Variants in CORO2B observed in about 807,000 individuals in gnomAD.
The protein encoded by CORO2B is coronin 2B.
CORO2B carries 26 observed loss-of-function variants against 58.8 expected under a neutral mutation model. That is an observed-to-expected ratio of 0.44 (90% CI 0.32 to 0.61). The LOEUF (loss-of-function observed/expected upper bound fraction) is 0.61, where lower values mean the gene tolerates loss of function less well. Among genes scored for constraint, CORO2B ranks in the 20% least tolerant of loss-of-function variants. The pLI is 0.04. For synonymous variants in CORO2B, 242 were observed against 253.8 expected (o/e 0.95, Z 0.44); for missense variants, 460 against 645.1 (o/e 0.71, Z 3.11).
At chr15:68,585,188 G>A (rs1260920005) in intron 1 of CORO2B, among the ~76,000 whole-genome samples, 1 of 152,132 alleles carries the variant, frequency 6.6e-6, no homozygotes, top group Non-Finnish European at 1.5e-5. Flanking sequence ...GTCATGGTGG[G>A]GACGGTCCCC....
intron 1 of CORO2B, among the ~76,000 whole-genome samples, chr15:68,620,826 C>T (rs984398100): frequency 1.3e-5 from 2 of 152,224 alleles, no homozygotes; most frequent in African/African-American, 2.4e-5. Context: ...TAGGCCTTCC[C>T]ACTGTGCGTG....
chr15:68,726,190 G>A lies in CORO2B; in HGVS notation c.*216G>A. ...AGCTTCTGGAGACCCCCTGCCGGCA[G>A]CCCCTTTCCCTGCCACCCCAGGAGC... On this transcript the variant is annotated 3_prime_UTR_variant, in exon 12 of 12. Transcript: ENST00000261861. The A allele has an allele frequency of 1.8e-6, 1 of 563,408 alleles. No individual in the cohort carries two copies. The highest frequency in any genetic ancestry group is 3.0e-6 in the Non-Finnish European group (1 of 332,226). 34.9% of individuals were successfully genotyped at this position (563,408 alleles called of 1,614,324 possible).
At chr15:68,655,075 G>T (rs1426757240) in intron 2 of CORO2B, among the ~76,000 whole-genome samples, 1 of 152,218 alleles carries the variant, frequency 6.6e-6, no homozygotes, top group East Asian at 1.9e-4. Context: ...CTGCCATGGA[G>T]CCTGGTGGTG....
At chr15:68,536,241 T>A in the CORO2B span, among the ~76,000 whole-genome samples, 1 of 152,202 alleles carries the variant, frequency 6.6e-6, no homozygotes, top group African/African-American at 2.4e-5. Context: ...TCCATGTACG[T>A]TGGCTGGTAG....
chr15:68,666,196 G>C (rs567388700), intron 2 of CORO2B, among the ~76,000 whole-genome samples: 1 of 152,280 alleles, frequency 6.6e-6, no homozygotes, highest in Admixed American at 6.5e-5. Context: ...GAAGAGGCTC[G>C]AACAGATAAT....
intron 2 of CORO2B, among the ~76,000 whole-genome samples, chr15:68,664,827 TTGTC>T (rs1902137803): frequency 6.6e-6 from 1 of 152,202 alleles, no homozygotes; most frequent in Non-Finnish European, 1.5e-5. Flanking sequence ...TTTGTGTGAA[TTGTC>T]TGTCCATATT....
chr15:68,544,414 G>T, the CORO2B span, among the ~76,000 whole-genome samples: 1 of 152,276 alleles, frequency 6.6e-6, no homozygotes, highest in African/African-American at 2.4e-5. Flanking sequence ...GACTCACTAA[G>T]ATTCATCCAT....
intron 1 of CORO2B, among the ~76,000 whole-genome samples, chr15:68,583,761 A>G (rs1226752844): frequency 6.6e-6 from 1 of 152,118 alleles, no homozygotes; most frequent in Non-Finnish European, 1.5e-5. Flanking sequence ...ACATCCCAGC[A>G]CCTCGTTCCT....
chr15:68,696,598 A>C (rs1892519149), intron 3 of CORO2B, among the ~76,000 whole-genome samples: 2 of 150,950 alleles, frequency 1.3e-5, no homozygotes, highest in Admixed American at 1.3e-4. Context: ...GTGAAATTTG[A>C]AACTGTGTTC....
rs990275843 is a variant in CORO2B at position 68,724,892 on chromosome 15, G to T, written c.1312-951G>T. Among the ~76,000 whole-genome samples, 4 of 152,034 alleles carry T rather than the reference G, an allele frequency of 2.6e-5. 1 individual carries two copies. Among genetic ancestry groups the T allele is most frequent in the Non-Finnish European group, 5.9e-5 (4 of 68,004 alleles). ...TATGCTTTACAGGAGAAATGGAGGC[G>T]GGTTAAGCTAGAGAGTCATTGGGGT... On this transcript the variant is annotated intron_variant, in intron 11 of 11. Transcript: ENST00000261861.
intron 3 of CORO2B, among the ~76,000 whole-genome samples, chr15:68,703,016 G>A (rs376753952): frequency 2.7e-5 from 4 of 150,212 alleles, no homozygotes; most frequent in African/African-American, 4.9e-5. Flanking sequence ...TAGTAGAGAC[G>A]GGGTTTCACC....
At chr15:68,625,270 AT>A (rs112881977) in intron 1 of CORO2B, among the ~76,000 whole-genome samples, 2,955 of 149,322 alleles carry the variant, frequency 0.02, 83 homozygotes, top group African/African-American at 0.06. Context: ...TCTTCAGCTA[AT>A]TTTTTTTTTT....
At chr15:68,527,748 A>G in the CORO2B span, among the ~76,000 whole-genome samples, 1 of 152,204 alleles carries the variant, frequency 6.6e-6, no homozygotes, top group Non-Finnish European at 1.5e-5. Context: ...CATTTTAGCA[A>G]TACTCCAATC....
chr15:68,596,050 G>T (rs1028463311), intron 1 of CORO2B, among the ~76,000 whole-genome samples: 3 of 152,126 alleles, frequency 2.0e-5, no homozygotes, highest in Non-Finnish European at 2.9e-5. Flanking sequence ...TGAGGGCTCA[G>T]GGGTGGCTTG....
In CORO2B at chr15:68,658,281, C is replaced by G. The variant is rs148953559; in HGVS notation, c.216+12921C>G. On this transcript the variant is annotated intron_variant, in intron 2 of 11. Transcript: ENST00000261861. ...GAGGGAACAGCTGGGGCCAGGCTGG[C>G]CAGCTCCCAATTGTTCAATGGAGGA... Among the ~76,000 whole-genome samples, 123 of 139,404 alleles carry G rather than the reference C, an allele frequency of 8.8e-4. 2 individuals carry two copies. The highest frequency in any genetic ancestry group is 7.4e-4 in the Non-Finnish European group (48 of 64,534). The allele number at this position is 139,404 out of a possible 152,430, so 91.5% of individuals were successfully genotyped here. A position where few individuals can be genotyped will look rare whatever the true frequency, so the allele number is the denominator to read the frequency against.
chr15:68,669,024 G>A (rs1234169389), intron 2 of CORO2B, among the ~76,000 whole-genome samples: 2 of 151,416 alleles, frequency 1.3e-5, no homozygotes, highest in African/African-American at 4.9e-5. Flanking sequence ...GTTGCGGTGA[G>A]CCAAGACCAC....
chr15:68,664,086 T>C (rs1269827022), intron 2 of CORO2B, among the ~76,000 whole-genome samples: 1 of 152,216 alleles, frequency 6.6e-6, no homozygotes, highest in Non-Finnish European at 1.5e-5. Flanking sequence ...TACAGCCACT[T>C]TGGAAAACTG....
intron 1 of CORO2B, among the ~76,000 whole-genome samples, chr15:68,612,550 G>A (rs1158476400): frequency 6.6e-6 from 1 of 152,172 alleles, no homozygotes; most frequent in Admixed American, 6.5e-5. Context: ...AGGTTGTTTG[G>A]TAAGATTTTT....
intron 2 of CORO2B, among the ~76,000 whole-genome samples, chr15:68,693,545 G>T (rs916615473): frequency 6.6e-6 from 1 of 152,168 alleles, no homozygotes; most frequent in Non-Finnish European, 1.5e-5. Context: ...AAAAGTAGCA[G>T]GAAAAAGACC....
Sources: allele counts gnomAD v4.1 joint callset (sites outside exome capture counted in the v4.1 genomes callset), GRCh38; gene constraint gnomAD v4.1.1; transcripts MANE v1.5; gene names NCBI Gene and HGNC (gene_info 2026-07-23, HGNC 2026-07-21).